The following TNN variants were observed in gnomAD, a reference collection of about 807,000 sequenced individuals.
TNN encodes the protein tenascin N, also known as tenascin-N.
TNN carries 122 observed loss-of-function variants against 134.4 expected under a neutral mutation model. That is an observed-to-expected ratio of 0.91 (90% confidence interval 0.78 to 1.06). The LOEUF (loss-of-function observed/expected upper bound fraction) is 1.06. Among genes scored for constraint, TNN ranks in the 50% least tolerant of loss-of-function variants. TNN has a pLI of 0.00. For missense variants in TNN, 1,739 were observed against 1,699.4 expected, an observed-to-expected ratio of 1.02 and a Z score of -0.41; for synonymous variants, 710 against 670.3, an observed-to-expected ratio of 1.06 and a Z score of -0.91.
intron 15 of TNN, among the ~76,000 whole-genome samples, chr1:175,134,680 C>G (rs1452334588): frequency 3.3e-5 from 5 of 152,174 alleles, no homozygotes; most frequent in African/African-American, 1.2e-4. Context: ...AGAAACTTAT[C>G]TTACCTTGAC....
chr1:175,112,596 A>ATTTTTTTTTTTTT (rs1244528758), intron 9 of TNN, among the ~76,000 whole-genome samples: 2 of 8,066 alleles, frequency 2.5e-4, no homozygotes, highest in African/African-American at 2.8e-4. Flanking sequence ...CAGCCGGCCG[A>ATTTTTTTTTTTTT]TCTTTTTTTT....
At chr1:175,137,558 T>C (rs1000776630) in intron 17 of TNN, among the ~76,000 whole-genome samples, 1 of 152,220 alleles carries the variant, frequency 6.6e-6, no homozygotes, top group African/African-American at 2.4e-5. Flanking sequence ...TAGCTGCTCA[T>C]TGGAGCTAAG....
Position 175,147,053 on chromosome 1 carries a change from A to T in TNN, c.3882A>T (p.Gly1294=). 6.3e-7 allele frequency: 1 copy of T among 1,586,584 alleles called. No individual in the cohort carries two copies. The highest frequency in any genetic ancestry group is 8.6e-7 in the Non-Finnish European group (1 of 1,166,700). The change falls in exon 19 of 19, where the codon GGA becomes GGT. Residue 1294 remains glycine, a synonymous_variant. Coordinates refer to ENST00000239462, the MANE Select transcript of TNN (RefSeq NM_022093.2). ...VLGRKKRTLR[G]RLRTF ...GCAGAAAGAAGCGGACGCTGAGAGG[A>T]AGGCTGCGAACGTTCTGATGGCCCG...
chr1:175,140,364 G>A (rs1012467), intron 17 of TNN, among the ~76,000 whole-genome samples: 2 of 152,246 alleles, frequency 1.3e-5, no homozygotes, highest in African/African-American at 4.8e-5. Context: ...TATGAAGTGG[G>A]TGTTTTTCTT....
intron 13 of TNN, 98 bp downstream of exon 13, chr1:175,127,183 G>T: frequency 1.4e-6 from 2 of 1,465,064 alleles, no homozygotes; most frequent in African/African-American, 1.4e-5. Context: ...ACGGCAACTT[G>T]CTGATCTTTA....
Position 175,094,004 on chromosome 1 carries a change from A to C in TNN, c.1339A>C (p.Thr447Pro). 6.2e-7 allele frequency: 1 copy of C among 1,601,770 alleles called. No individual in the cohort carries two copies. The highest frequency in any genetic ancestry group is 8.5e-7 in the Non-Finnish European group (1 of 1,170,536). The change falls in exon 7 of 19, where the codon ACC becomes CCC. Residue 447 changes from threonine (T) to proline (P), a missense_variant. Thr to Pro is a conservative substitution (Grantham distance 38). Coordinates refer to ENST00000239462, the MANE Select transcript of TNN (RefSeq NM_022093.2). ...LNGRTEIDSP[T>P]NVVTDRVTED... ...TTTTTATGAAGAAATTGACAGTCCA[A>C]CCAATGTTGTCACTGATCGAGTGAC...
In TNN at chr1:175,128,652, C is replaced by A; in HGVS notation, c.3236C>A (p.Ala1079Asp). 6.2e-7 allele frequency: 1 copy of A among 1,614,016 alleles called. No homozygotes were observed. The highest frequency in any genetic ancestry group is 8.5e-7 in the Non-Finnish European group (1 of 1,179,956). Reference protein sequence around the residue: ...DCSQVQQNSNAASGLYTIYLH... With the variant: ...DCSQVQQNSNDASGLYTIYLH... Reference sequence around the variant, plus strand: ...AGTCAGGTTCAGCAGAACAGCAATGCCGCCAGTGGTCTGTACACCATCTAC... The same window carrying A: ...AGTCAGGTTCAGCAGAACAGCAATGACGCCAGTGGTCTGTACACCATCTAC... The change falls in exon 15 of 19, where the codon GCC (alanine) becomes GAC (aspartate). Residue 1079 changes from alanine to aspartate, a missense_variant. Transcript: ENST00000239462.
At chr1:175,115,293 G>T (rs1290475052) in intron 9 of TNN, among the ~76,000 whole-genome samples, 1 of 151,998 alleles carries the variant, frequency 6.6e-6, no homozygotes, top group East Asian at 1.9e-4. Flanking sequence ...TGGGATATAG[G>T]GCTCTGCCAA....
chr1:175,071,537 G>C (rs1673913725), intron 1 of TNN, among the ~76,000 whole-genome samples: 1 of 152,202 alleles, frequency 6.6e-6, no homozygotes, highest in South Asian at 2.1e-4. Flanking sequence ...ATCATCCTTG[G>C]CACCACTCAG....
At chr1:175,145,573 A>AAAAAAAAAAAAAAAAAAC (rs1676044806) in intron 18 of TNN, among the ~76,000 whole-genome samples, 1 of 149,690 alleles carries the variant, frequency 6.7e-6, no homozygotes, top group Non-Finnish European at 1.5e-5. Flanking sequence ...AAAAAAAAAA[A>AAAAAAAAAAAAAAAAAAC]AAGCTGTCTC....
At chr1:175,114,290 G>T (rs1003775252) in intron 9 of TNN, among the ~76,000 whole-genome samples, 4 of 152,202 alleles carry the variant, frequency 2.6e-5, no homozygotes, top group African/African-American at 9.7e-5. Context: ...TATAGTCTTT[G>T]TGCAGCTTCT....
intron 3 of TNN, 150 bp from the exon 4 acceptor site, chr1:175,080,013 G>C: frequency 9.3e-7 from 1 of 1,073,244 alleles, no homozygotes; most frequent in African/African-American, 1.6e-5. Flanking sequence ...ATTACCTGTC[G>C]TTCGGATAAT....
At chr1:175,095,169 T>C (rs1043183582) in intron 7 of TNN, among the ~76,000 whole-genome samples, 1 of 152,208 alleles carries the variant, frequency 6.6e-6, no homozygotes, top group Non-Finnish European at 1.5e-5. Flanking sequence ...GTGCACAGCC[T>C]CCTAGATCCA....
intron 13 of TNN, among the ~76,000 whole-genome samples, 179 bp downstream of exon 13, chr1:175,127,264 A>G (rs940124754): frequency 3.9e-5 from 6 of 152,226 alleles, no homozygotes; most frequent in African/African-American, 1.4e-4. Context: ...CAATAAATGT[A>G]AGCTCTATGT....
In TNN at chr1:175,135,887, C is replaced by G; in HGVS notation, c.3373C>G (p.Arg1125Gly). ...RNTGQLDFFK[R>G]WRSYVEGFGD... ...CACTGGGCAGCTGGATTTCTTCAAG[C>G]GATGGAGGAGCTATGTGGAAGGCTT... is the stretch of plus-strand genomic sequence containing the variant. The change falls in exon 16 of 19, where the codon CGA becomes GGA. Residue 1125 changes from arginine (R) to glycine (G), a missense_variant. Arg to Gly is a moderately radical substitution (Grantham distance 125, BLOSUM62 -2). Transcript: ENST00000239462. 3 of 1,613,808 alleles carry G rather than the reference C, an allele frequency of 1.9e-6. No individual in the cohort carries two copies. The highest frequency in any genetic ancestry group is 2.2e-5 in the East Asian group (1 of 44,874).
chr1:175,133,080 T>C (rs1435705270), intron 15 of TNN, among the ~76,000 whole-genome samples: 1 of 152,244 alleles, frequency 6.6e-6, no homozygotes, highest in East Asian at 1.9e-4. Flanking sequence ...AATGCAATTC[T>C]AGCCTTTGGT....
intron 12 of TNN, 52 bp downstream of exon 12, chr1:175,123,715 C>A (rs771045602): frequency 6.9e-6 from 11 of 1,603,610 alleles, no homozygotes; most frequent in African/African-American, 5.4e-5. Context: ...CAGGAGAGAA[C>A]CTTCCTCCAT....
Position 175,080,329 on chromosome 1 carries a change from G to A in TNN, c.951G>A (p.Glu317=), listed in dbSNP as rs752874353. The change falls in exon 4 of 19, where the codon GAG becomes GAA. Residue 317 remains glutamate (E), a synonymous_variant. Transcript: ENST00000239462. ...TGCCCAAGGAGCAGCACAGCTATGA[G>A]ATTCTTGGTTTGCTGCCTGGAACCA... is the stretch of plus-strand genomic sequence containing the variant. ...IQVPKEQHSY[E]ILGLLPGTKY... 2.5e-6 allele frequency: 4 copies of A among 1,614,146 alleles called. No individual in the cohort carries two copies. The South Asian group carries it at 4.4e-5, about 18-fold the overall frequency.
At chr1:175,125,645 C>G (rs1452648646) in intron 12 of TNN, among the ~76,000 whole-genome samples, 1 of 142,148 alleles carries the variant, frequency 7.0e-6, no homozygotes, top group African/African-American at 2.6e-5. Flanking sequence ...TCTTTTCTCT[C>G]TCTCCTTCCT....
Sources: gnomAD v4.1 joint callset for allele counts (sites outside exome capture counted in the v4.1 genomes callset) on GRCh38, gnomAD v4.1.1 for gene constraint, MANE v1.5 for transcripts, NCBI Gene and HGNC (gene_info 2026-07-23, HGNC 2026-07-21) for gene names.